Variants in HSD17B12 observed in about 807,000 individuals in gnomAD.
HSD17B12 encodes the protein hydroxysteroid 17-beta dehydrogenase 12, also known as very-long-chain 3-oxoacyl-CoA reductase.
HSD17B12 carries 32 observed loss-of-function variants against 39.3 expected under a neutral mutation model. The observed-to-expected ratio is 0.81, with a 90% CI of 0.61 to 1.09. HSD17B12 has a LOEUF of 1.09. Among genes scored for constraint, HSD17B12 ranks in the 50% least tolerant of loss-of-function variants. The pLI is 0.00. For missense variants in HSD17B12, 342 were observed against 382.9 expected (o/e 0.89, Z 0.89); for synonymous variants, 150 against 146.7 (o/e 1.02, Z -0.16).
At position 43,683,103 on chromosome 11, in the gene HSD17B12, TG is replaced by T. The variant is rs777796370; in HGVS notation, c.160+2117del. Among the ~76,000 whole-genome samples, 116 of 138,038 alleles carry T rather than the reference TG, an allele frequency of 8.4e-4. 1 individual carries two copies. The South Asian group carries it at 0.012, about 15-fold the overall frequency. 90.6% of individuals were successfully genotyped at this position (138,038 alleles called of 152,430 possible). On this transcript the variant is annotated intron_variant, in intron 1 of 10. Transcript: ENST00000278353. The stretch of plus-strand genomic sequence containing the variant: ...CACCATGCCTGGATGTGTTTTTTTT[TG>T]TTTTTTTTTTTTTTTCTCTTTAAAA...
chr11:43,680,515 A>C, upstream of HSD17B12: 1 of 407,234 alleles, frequency 2.5e-6, no homozygotes, highest in Non-Finnish European at 4.5e-6. Context: ...GGCTGCAGCC[A>C]ATGAGAGACC....
At chr11:43,818,264 T>C (rs1417588037) in intron 6 of HSD17B12, among the ~76,000 whole-genome samples, 1 of 152,128 alleles carries the variant, frequency 6.6e-6, no homozygotes, top group Non-Finnish European at 1.5e-5. Flanking sequence ...TATAAAGCAA[T>C]GGGTGTGATT....
the HSD17B12 span, among the ~76,000 whole-genome samples, chr11:43,565,896 C>T: frequency 2.0e-5 from 3 of 152,208 alleles, no homozygotes; most frequent in East Asian, 1.9e-4. Flanking sequence ...CTTCTTCCAT[C>T]GGTCCTGATT....
chr11:43,589,636 G>A, the HSD17B12 span, among the ~76,000 whole-genome samples: 30 of 151,630 alleles, frequency 2.0e-4, no homozygotes, highest in Admixed American at 2.0e-4. Flanking sequence ...TTTTTCTGTC[G>A]TTTTAAAAAT....
In HSD17B12 at chr11:43,815,516, G is replaced by C. The variant is rs772034818; in HGVS notation, c.456+15G>C. On this transcript the variant is annotated intron_variant, in intron 5 of 10. Coordinates refer to ENST00000278353, the MANE Select transcript of HSD17B12 (RefSeq NM_016142.3). The stretch of plus-strand genomic sequence containing the variant: ...ACTTGGACAATGTAAGTCTTTCTTT[G>C]TGTATTATGGTAACAAAAATAATGC... The C allele has an allele frequency of 7.4e-6, 11 of 1,483,760 alleles. No individual in the cohort carries two copies. The East Asian group carries it at 1.6e-4, about 22-fold the overall frequency. The allele number at this position is 1,483,760 out of a possible 1,614,324, so 91.9% of individuals were successfully genotyped here. A position where few individuals can be genotyped will look rare whatever the true frequency, so the allele number is the denominator to read the frequency against.
the HSD17B12 span, among the ~76,000 whole-genome samples, chr11:43,583,850 C>T: frequency 6.6e-6 from 1 of 152,150 alleles, no homozygotes; most frequent in African/African-American, 2.4e-5. Flanking sequence ...ACCCTCCTCA[C>T]CCCAGGCTAC....
chr11:43,754,230 G>C (rs927586035), intron 3 of HSD17B12, 109 bp downstream of exon 3: 1 of 740,346 alleles, frequency 1.4e-6, no homozygotes, highest in African/African-American at 1.8e-5. Context: ...TTTTCAAGGA[G>C]AGATATCATT....
At chr11:43,816,195 A>G (rs911019575) in intron 5 of HSD17B12, 152 bp from the exon 6 acceptor site, 2 of 510,766 alleles carry the variant, frequency 3.9e-6, no homozygotes, top group African/African-American at 2.0e-5. Context: ...GTAAAATGAA[A>G]TCTGCCTCTC....
chr11:43,689,817 G>GGGATTACA (rs1949835881), intron 1 of HSD17B12, among the ~76,000 whole-genome samples: 2 of 152,096 alleles, frequency 1.3e-5, no homozygotes, highest in African/African-American at 4.8e-5. Flanking sequence ...CCAAAGTGCT[G>GGGATTACA]GGATTACAGG....
intron 4 of HSD17B12, among the ~76,000 whole-genome samples, chr11:43,802,123 C>G (rs992474925): frequency 2.6e-5 from 4 of 151,910 alleles, no homozygotes; most frequent in African/African-American, 9.7e-5. Context: ...GTAGCTGGGA[C>G]TACAGGTGGC....
At chr11:43,742,144 T>A (rs1204209638) in intron 1 of HSD17B12, among the ~76,000 whole-genome samples, 5 of 146,278 alleles carry the variant, frequency 3.4e-5, no homozygotes, top group African/African-American at 9.9e-5. Context: ...TATATATTTT[T>A]TTTTTTAAAT....
At chr11:43,767,176 G>T (rs1950602957) in intron 3 of HSD17B12, among the ~76,000 whole-genome samples, 1 of 151,458 alleles carries the variant, frequency 6.6e-6, no homozygotes, top group South Asian at 2.1e-4. Context: ...TTTCCAATTG[G>T]ATTATTGATG....
At chr11:43,709,330 T>A (rs1402159137) in intron 1 of HSD17B12, among the ~76,000 whole-genome samples, 2 of 152,228 alleles carry the variant, frequency 1.3e-5, no homozygotes, top group Non-Finnish European at 2.9e-5. Flanking sequence ...TTTGCCATGT[T>A]GGCCAGGCTG....
the HSD17B12 span, among the ~76,000 whole-genome samples, chr11:43,632,312 T>C: frequency 5.9e-5 from 9 of 152,346 alleles, no homozygotes; most frequent in South Asian, 1.9e-3. Context: ...GTACTAGGCA[T>C]GTAAAGCTAA....
chr11:43,826,143 C>A (rs188953171), intron 6 of HSD17B12, among the ~76,000 whole-genome samples: 1,614 of 142,662 alleles, frequency 0.011, 15 homozygotes, highest in Non-Finnish European at 0.017. Flanking sequence ...AGTGCAGTGG[C>A]GTGATCTCCG....
chr11:43,743,529 A>G (rs1785907025), intron 1 of HSD17B12, among the ~76,000 whole-genome samples: 1 of 152,200 alleles, frequency 6.6e-6, no homozygotes, highest in Non-Finnish European at 1.5e-5. Flanking sequence ...GGTGGGGCAG[A>G]TGTGCTTGAG....
intron 3 of HSD17B12, among the ~76,000 whole-genome samples, chr11:43,781,216 T>C (rs939108545): frequency 6.6e-6 from 1 of 152,214 alleles, no homozygotes; most frequent in African/African-American, 2.4e-5. Context: ...CAATGAATTC[T>C]TCCTTTGATC....
intron 9 of HSD17B12, 119 bp from the exon 10 acceptor site, chr11:43,854,596 C>A (rs1051075173): frequency 8.2e-6 from 9 of 1,096,704 alleles, no homozygotes; most frequent in African/African-American, 6.3e-5. Flanking sequence ...CTTTTCTTCT[C>A]TCTCTGTAAA....
At chr11:43,750,606 A>G (rs1258273222) in intron 1 of HSD17B12, among the ~76,000 whole-genome samples, 1 of 152,168 alleles carries the variant, frequency 6.6e-6, no homozygotes, top group African/African-American at 2.4e-5. Context: ...AGGTAGGCAT[A>G]TTTTTAGTTC....
Sources: allele counts gnomAD v4.1 joint callset (sites outside exome capture counted in the v4.1 genomes callset), GRCh38; gene constraint gnomAD v4.1.1; transcripts MANE v1.5; gene names NCBI Gene and HGNC (gene_info 2026-07-23, HGNC 2026-07-21).